ZNF827: variants seen among roughly 807,000 people sequenced by gnomAD.
The protein encoded by ZNF827 is zinc finger protein 827.
A neutral mutation model predicts 102.4 loss-of-function variants in ZNF827; 13 were observed. The ratio of observed to expected loss-of-function variants is 0.13; its 90% confidence interval spans 0.08 to 0.20. The LOEUF (loss-of-function observed/expected upper bound fraction) is 0.20, where lower values mean the gene tolerates loss of function less well. ZNF827 is among the 10% of genes least tolerant of loss of function. The pLI, the probability that ZNF827 is intolerant of heterozygous loss-of-function variation, is 1.00. For missense variants in ZNF827, 1,103 were observed against 1,344.4 expected (o/e 0.82, Z 2.81); for synonymous variants, 523 against 536.2 (o/e 0.98, Z 0.34).
At chr4:145,787,876 C>T (rs1739115541) in intron 8 of ZNF827, among the ~76,000 whole-genome samples, 1 of 152,150 alleles carries the variant, frequency 6.6e-6, no homozygotes, top group South Asian at 2.1e-4. Flanking sequence ...CCACATCTTG[C>T]ACAGGGTCAA....
At chr4:145,768,858 CAA>C (rs1174930111) in intron 11 of ZNF827, among the ~76,000 whole-genome samples, 2 of 4,532 alleles carry the variant, frequency 4.4e-4, no homozygotes, top group Non-Finnish European at 9.2e-4. Flanking sequence ...GACTCCGTCT[CAA>C]AAAAAAAAAA....
chr4:145,884,281 G>C (rs1749922131), intron 4 of ZNF827, among the ~76,000 whole-genome samples: 1 of 152,134 alleles, frequency 6.6e-6, no homozygotes, highest in Non-Finnish European at 1.5e-5. Context: ...GAGGAGCAAA[G>C]ATCTGTGGTA....
chr4:145,903,058 C>T lies in ZNF827; in HGVS notation c.201G>A (p.Pro67=), dbSNP rs758896688. The T allele has an allele frequency of 1.9e-5, 31 of 1,614,032 alleles. No individual in the cohort carries two copies. In the South Asian group the frequency reaches 2.6e-4, roughly 14 times the overall value. The change falls in exon 2 of 15, where the codon CCG becomes CCA. Residue 67 remains proline (P), a synonymous_variant. Transcript: ENST00000508784. ...EDRIQEQSTS[P]DTSLGSTTPS... The stretch of plus-strand genomic sequence containing the variant: ...GAGTCGTGCTTCCCAAGGAGGTGTC[C>T]GGGGACGTGGACTGCTCCTGGATCC...
chr4:145,898,734 GA>G (rs1486740998), intron 2 of ZNF827, among the ~76,000 whole-genome samples: 1 of 152,080 alleles, frequency 6.6e-6, no homozygotes, highest in Non-Finnish European at 1.5e-5. Context: ...GACTCTTAAG[GA>G]ATTAAATACA....
At chr4:145,823,662 A>C (rs1180946426) in intron 7 of ZNF827, 137 bp from the exon 8 acceptor site, 4 of 629,792 alleles carry the variant, frequency 6.4e-6, no homozygotes, top group Non-Finnish European at 5.6e-6. Flanking sequence ...GAATATAAGA[A>C]GATTGTGCTT....
At chr4:145,823,336 C>T (rs901382218) in intron 8 of ZNF827, 86 bp downstream of exon 8, 9 of 1,135,132 alleles carry the variant, frequency 7.9e-6, no homozygotes, top group African/African-American at 1.5e-5. Flanking sequence ...CATCCGTAAG[C>T]TGAAAGTATC....
At chr4:145,796,897 C>G (rs542492594) in intron 8 of ZNF827, among the ~76,000 whole-genome samples, 1 of 152,332 alleles carries the variant, frequency 6.6e-6, no homozygotes, top group East Asian at 1.9e-4. Context: ...TCCCAAAATG[C>G]TGGGATTACT....
intron 1 of ZNF827, among the ~76,000 whole-genome samples, chr4:145,932,444 A>G (rs1317885378): frequency 6.6e-6 from 1 of 152,054 alleles, no homozygotes; most frequent in Admixed American, 6.6e-5. Flanking sequence ...CTTTTCTACA[A>G]GAACATGTTG....
At chr4:145,802,956 GAAAT>G (rs1741060256) in intron 8 of ZNF827, among the ~76,000 whole-genome samples, 1 of 152,060 alleles carries the variant, frequency 6.6e-6, no homozygotes, top group African/African-American at 2.4e-5. Context: ...ATAAAAGAGT[GAAAT>G]AAAATAGGAT....
At position 145,761,140 on chromosome 4, in the gene ZNF827, G is replaced by A. The variant is rs986118075; in HGVS notation, c.*476C>T. ...CAGGAGCGGGGCCCCCGGGCCGGCC[G>A]GTTCCTTGGGGGCTGGACACAGGCC... On this transcript the variant is annotated 3_prime_UTR_variant, in exon 15 of 15. Transcript: ENST00000508784. This position sits in a 1 kb window ranked among gnomAD's most constrained non-coding sequence, Gnocchi z 6.8. 1.6e-6 allele frequency: 2 copies of A among 1,289,628 alleles called. No individual in the cohort carries two copies. Among genetic ancestry groups the A allele is most frequent in the African/African-American group, 1.5e-5 (1 of 65,856 alleles). The allele number at this position is 1,289,628 out of a possible 1,614,324, so 79.9% of individuals were successfully genotyped here.
intron 5 of ZNF827, among the ~76,000 whole-genome samples, chr4:145,867,125 A>C (rs1748282545): frequency 6.6e-6 from 1 of 152,248 alleles, no homozygotes; most frequent in South Asian, 2.1e-4. Flanking sequence ...GTCACATAAC[A>C]ACAAGTAGTC....
chr4:145,923,426 G>A (rs1753215037), intron 1 of ZNF827, among the ~76,000 whole-genome samples: 2 of 148,736 alleles, frequency 1.3e-5, no homozygotes, highest in Middle Eastern at 3.5e-3. Flanking sequence ...CCAACGTGGT[G>A]AGAACCCATC....
chr4:145,862,217 C>T (rs868336506), intron 5 of ZNF827, among the ~76,000 whole-genome samples: 1 of 152,214 alleles, frequency 6.6e-6, no homozygotes, highest in South Asian at 2.1e-4. Flanking sequence ...ATAAGTTCCT[C>T]TTTGTAGCTG....
At chr4:145,888,132 A>AT (rs1750279704) in intron 3 of ZNF827, among the ~76,000 whole-genome samples, 1 of 152,254 alleles carries the variant, frequency 6.6e-6, no homozygotes, top group African/African-American at 2.4e-5. Flanking sequence ...TTATGGACAA[A>AT]TTAGTGAAGC....
intron 8 of ZNF827, among the ~76,000 whole-genome samples, chr4:145,814,553 T>C (rs1428566064): frequency 6.6e-6 from 1 of 152,066 alleles, no homozygotes; most frequent in Non-Finnish European, 1.5e-5. Flanking sequence ...GCTGCTTTCC[T>C]TTGCTTGGCT....
intron 5 of ZNF827, among the ~76,000 whole-genome samples, chr4:145,864,319 T>C (rs1747987253): frequency 6.6e-6 from 1 of 151,262 alleles, no homozygotes; most frequent in Admixed American, 6.6e-5. Flanking sequence ...ATCCCAGTAC[T>C]TTGTGAGTAG....
At chr4:145,802,114 AT>A (rs1740969133) in intron 8 of ZNF827, among the ~76,000 whole-genome samples, 1 of 152,204 alleles carries the variant, frequency 6.6e-6, no homozygotes, top group Non-Finnish European at 1.5e-5. Context: ...CTTGTTTCAG[AT>A]ACTAAGAGCT....
At chr4:145,849,930 G>A (rs947642879) in intron 5 of ZNF827, among the ~76,000 whole-genome samples, 1 of 152,024 alleles carries the variant, frequency 6.6e-6, no homozygotes. Context: ...CACGGTAAGT[G>A]TTTGTTCTTG....
intron 5 of ZNF827, among the ~76,000 whole-genome samples, chr4:145,856,713 AC>A (rs1747145828): frequency 7.7e-6 from 1 of 129,586 alleles, no homozygotes; most frequent in African/African-American, 3.0e-5. Context: ...ACACACACAC[AC>A]ACACACACAC....
Sources: gnomAD v4.1 joint callset for allele counts (sites outside exome capture counted in the v4.1 genomes callset) on GRCh38, gnomAD v4.1.1 for gene constraint, Gnocchi (gnomAD v3.1) non-coding constraint, MANE v1.5 for transcripts, NCBI Gene and HGNC (gene_info 2026-07-23, HGNC 2026-07-21) for gene names.